NKAIN2: variants seen among roughly 807,000 people sequenced by gnomAD.
The protein encoded by NKAIN2 is sodium/potassium-transporting ATPase subunit beta-1-interacting protein 2.
NKAIN2 carries 14 observed loss-of-function variants against 32.6 expected under a neutral mutation model. The observed-to-expected ratio is 0.43, with a 90% CI of 0.28 to 0.67. The LOEUF is 0.67. Among genes scored for constraint, NKAIN2 ranks in the 30% least tolerant of loss-of-function variants. The pLI is 0.17. For synonymous variants in NKAIN2, 80 were observed against 87.2 expected, an observed-to-expected ratio of 0.92 and a Z score of 0.46; for missense variants, 198 against 258.3, an observed-to-expected ratio of 0.77 and a Z score of 1.60.
chr6:124,541,324 C>A (rs746553646), intron 3 of NKAIN2, among the ~76,000 whole-genome samples: 7 of 152,100 alleles, frequency 4.6e-5, no homozygotes, highest in Non-Finnish European at 8.8e-5. Flanking sequence ...GGGTGAGACA[C>A]AAAATAGCAT....
In NKAIN2 at chr6:124,188,230, T is replaced by C. The variant is rs190079604; in HGVS notation, c.55-94775T>C. Among the ~76,000 whole-genome samples the C allele has an allele frequency of 4.8e-3, 734 of 152,242 alleles. 4 individuals carry two copies. The highest frequency in any genetic ancestry group is 7.8e-3 in the Non-Finnish European group (533 of 68,010). On this transcript the variant is annotated intron_variant, in intron 1 of 6. Transcript: ENST00000368417. ...TCAGAGAAGTAAATTCAGTAGGAAA[T>C]ATATATTAAGAGATTGGTTGCAAAG...
At chr6:124,466,587 A>G (rs1478707915) in intron 3 of NKAIN2, among the ~76,000 whole-genome samples, 1 of 152,010 alleles carries the variant, frequency 6.6e-6, no homozygotes, top group East Asian at 1.9e-4. Context: ...CTCAGGAGAG[A>G]GTCTGAAGAT....
chr6:123,932,414 T>A (rs1162353299), intron 1 of NKAIN2, among the ~76,000 whole-genome samples: 2 of 13,804 alleles, frequency 1.4e-4, no homozygotes, highest in East Asian at 6.6e-3. Context: ...TTCTTTTTTT[T>A]TTTTTTTTTT....
At chr6:124,567,610 G>A (rs934163208) in intron 3 of NKAIN2, among the ~76,000 whole-genome samples, 10 of 152,186 alleles carry the variant, frequency 6.6e-5, no homozygotes, top group Non-Finnish European at 1.2e-4. Context: ...TAAGCATTTA[G>A]TTCTCTCATG....
chr6:124,000,773 T>A lies in NKAIN2; in HGVS notation c.54+196519T>A, dbSNP rs142356762. Reference sequence around the variant, plus strand: ...AATTGCTAACACATATCTTCCACTCTGGTAGACTAAATTCTGTTATTTTCT... The same window carrying A: ...AATTGCTAACACATATCTTCCACTCAGGTAGACTAAATTCTGTTATTTTCT... On this transcript the variant is annotated intron_variant, in intron 1 of 6. Coordinates refer to ENST00000368417, the MANE Select transcript of NKAIN2 (RefSeq NM_001040214.3). 3.0e-3 allele frequency among the ~76,000 whole-genome samples: 463 copies of A among 152,230 alleles called. 2 individuals carry two copies. Among genetic ancestry groups the A allele is most frequent in the African/African-American group, 0.01 (429 of 41,558 alleles).
chr6:124,418,474 GTA>G (rs1053592065), intron 3 of NKAIN2, among the ~76,000 whole-genome samples: 1 of 146,348 alleles, frequency 6.8e-6, no homozygotes. Flanking sequence ...AGTTTATATA[GTA>G]TATATATATA....
At chr6:123,954,582 C>T (rs963286814) in intron 1 of NKAIN2, among the ~76,000 whole-genome samples, 6 of 152,184 alleles carry the variant, frequency 3.9e-5, no homozygotes, top group African/African-American at 1.4e-4. Flanking sequence ...TACCTACTCA[C>T]TATTTTGGTT....
At chr6:124,596,665 T>TGC (rs752586900) in intron 3 of NKAIN2, among the ~76,000 whole-genome samples, 1 of 80,370 alleles carries the variant, frequency 1.2e-5, no homozygotes, top group South Asian at 3.5e-4. Context: ...AACCATAGGG[T>TGC]GTGTGTGTGT....
At chr6:124,704,220 A>G (rs2114578091) in intron 4 of NKAIN2, among the ~76,000 whole-genome samples, 1 of 152,112 alleles carries the variant, frequency 6.6e-6, no homozygotes, top group Non-Finnish European at 1.5e-5. Flanking sequence ...AAAAATTAAT[A>G]TATTCATTAA....
At chr6:124,656,182 T>C (rs1021995343) in intron 3 of NKAIN2, among the ~76,000 whole-genome samples, 2 of 152,330 alleles carry the variant, frequency 1.3e-5, no homozygotes, top group Non-Finnish European at 2.9e-5. Context: ...ATGGACCTGA[T>C]TCTTCTGCTA....
At chr6:124,692,239 A>T (rs1034804056) in intron 4 of NKAIN2, among the ~76,000 whole-genome samples, 1 of 152,214 alleles carries the variant, frequency 6.6e-6, no homozygotes, top group Non-Finnish European at 1.5e-5. Context: ...ATAACGGCTA[A>T]AAGTAGGATG....
chr6:124,029,954 G>A (rs1050674197), intron 1 of NKAIN2, among the ~76,000 whole-genome samples: 1 of 152,042 alleles, frequency 6.6e-6, no homozygotes, highest in Non-Finnish European at 1.5e-5. Context: ...AGGTGCAGTG[G>A]TTCACACCTG....
chr6:123,984,171 T>C (rs1779030092), intron 1 of NKAIN2, among the ~76,000 whole-genome samples: 4 of 152,192 alleles, frequency 2.6e-5, no homozygotes, highest in Non-Finnish European at 4.4e-5. Flanking sequence ...CCTCCCAAAG[T>C]TCTGGGATTA....
At chr6:123,877,996 G>C (rs1266922007) in intron 1 of NKAIN2, among the ~76,000 whole-genome samples, 1 of 152,262 alleles carries the variant, frequency 6.6e-6, no homozygotes, top group Admixed American at 6.5e-5. Flanking sequence ...GGAGGCTGTG[G>C]GGGGCAGATC....
At chr6:124,347,245 T>C (rs1798473792) in intron 2 of NKAIN2, among the ~76,000 whole-genome samples, 3 of 152,288 alleles carry the variant, frequency 2.0e-5, no homozygotes, top group Admixed American at 2.0e-4. Flanking sequence ...TAACCCGACC[T>C]TTCTCTCTGG....
chr6:124,134,690 A>G (rs1365104827), intron 1 of NKAIN2, among the ~76,000 whole-genome samples: 3 of 152,138 alleles, frequency 2.0e-5, no homozygotes, highest in African/African-American at 7.2e-5. Flanking sequence ...TCTCAAAACA[A>G]ATACAAACAA....
chr6:124,335,462 C>A (rs1056985680), intron 2 of NKAIN2, among the ~76,000 whole-genome samples: 2 of 152,110 alleles, frequency 1.3e-5, no homozygotes, highest in Non-Finnish European at 2.9e-5. Context: ...AAGCTGTTTA[C>A]ATGATTCTTA....
intron 1 of NKAIN2, among the ~76,000 whole-genome samples, chr6:124,007,380 T>C (rs1562304917): frequency 1.3e-5 from 2 of 152,162 alleles, no homozygotes; most frequent in Non-Finnish European, 2.9e-5. Flanking sequence ...AACTCCACAA[T>C]GTTGAGATTG....
chr6:124,755,161 G>GC (rs1253892467), intron 4 of NKAIN2, among the ~76,000 whole-genome samples: 1 of 152,082 alleles, frequency 6.6e-6, no homozygotes, highest in African/African-American at 2.4e-5. Context: ...AGGCCTGAGA[G>GC]CCCCACGCAA....
Sources: gnomAD v4.1 joint callset for allele counts (sites outside exome capture counted in the v4.1 genomes callset) on GRCh38, gnomAD v4.1.1 for gene constraint, MANE v1.5 for transcripts, NCBI Gene and HGNC (gene_info 2026-07-23, HGNC 2026-07-21) for gene names.